The following SSH2 variants were observed in gnomAD, a reference collection of about 807,000 sequenced individuals.
The protein encoded by SSH2 is protein phosphatase Slingshot homolog 2.
In SSH2, 37 loss-of-function variants were observed where a neutral mutation model predicts 135.2. The observed-to-expected ratio is 0.27, with a 90% CI of 0.21 to 0.36. The LOEUF is 0.36. Ranked by LOEUF, SSH2 falls within the 10% of genes least tolerant of loss-of-function variation. SSH2 has a pLI of 1.00. For missense variants in SSH2, 1,408 were observed against 1,765.3 expected (o/e 0.80, Z 3.63); for synonymous variants, 628 against 646.2 (o/e 0.97, Z 0.43).
chr17:29,696,170 T>C (rs553259257), intron 4 of SSH2, among the ~76,000 whole-genome samples: 1,922 of 117,226 alleles, frequency 0.016, 45 homozygotes, highest in African/African-American at 0.055. Context: ...AGTATGTATA[T>C]ATATACACAC....
At chr17:29,716,762 G>T in intron 3 of SSH2, 1 of 461,458 alleles carries the variant, frequency 2.2e-6, no homozygotes, top group South Asian at 1.8e-5. Flanking sequence ...GTCTCTACTT[G>T]CTGTCCCCAT....
intron 4 of SSH2, among the ~76,000 whole-genome samples, chr17:29,701,404 CTTTT>C (rs55721735): frequency 1.1e-4 from 10 of 90,342 alleles, no homozygotes; most frequent in Middle Eastern, 7.9e-3. Flanking sequence ...GTGCCTGGCT[CTTTT>C]TTTTTTTTTT....
At chr17:29,792,893 C>G (rs2151303757) in intron 3 of SSH2, among the ~76,000 whole-genome samples, 1 of 152,240 alleles carries the variant, frequency 6.6e-6, no homozygotes, top group Non-Finnish European at 1.5e-5. Context: ...CCAGGATGGT[C>G]TTGATCTCCT....
intron 1 of SSH2, among the ~76,000 whole-genome samples, chr17:29,864,837 C>A (rs573542291): frequency 6.6e-6 from 1 of 152,276 alleles, no homozygotes; most frequent in East Asian, 1.9e-4. Context: ...AATCACCTGA[C>A]AACTTGCTAG....
chr17:29,734,065 C>T (rs1172096670), intron 3 of SSH2, among the ~76,000 whole-genome samples: 1 of 151,974 alleles, frequency 6.6e-6, no homozygotes, highest in Non-Finnish European at 1.5e-5. Context: ...ACTACAGGCG[C>T]CCGCCACCAT....
intron 1 of SSH2, among the ~76,000 whole-genome samples, chr17:29,851,246 T>C (rs923180985): frequency 6.6e-6 from 1 of 152,080 alleles, no homozygotes; most frequent in Non-Finnish European, 1.5e-5. Flanking sequence ...CTACAACAGA[T>C]AATAATATAG....
At chr17:29,657,100 G>C (rs2036813113) in intron 11 of SSH2, among the ~76,000 whole-genome samples, 1 of 152,122 alleles carries the variant, frequency 6.6e-6, no homozygotes. Flanking sequence ...CTGAGTAGCT[G>C]GGATTATAGG....
At chr17:29,771,939 A>C (rs1033114137) in intron 3 of SSH2, among the ~76,000 whole-genome samples, 5 of 152,198 alleles carry the variant, frequency 3.3e-5, no homozygotes, top group Non-Finnish European at 4.4e-5. Flanking sequence ...CTTTTCAACA[A>C]CCATGTCAAA....
At chr17:29,740,075 G>C (rs1598911788) in intron 3 of SSH2, among the ~76,000 whole-genome samples, 2 of 152,194 alleles carry the variant, frequency 1.3e-5, no homozygotes, top group African/African-American at 4.8e-5. Flanking sequence ...TGACCTCGCA[G>C]TATCTGTTTT....
intron 3 of SSH2, among the ~76,000 whole-genome samples, chr17:29,784,206 G>A (rs1366472742): frequency 1.3e-5 from 2 of 151,296 alleles, no homozygotes; most frequent in Non-Finnish European, 2.9e-5. Context: ...GGCCAACATG[G>A]TTAAACCCCA....
chr17:29,691,292 C>T (rs1180530434), intron 5 of SSH2, among the ~76,000 whole-genome samples: 1 of 152,188 alleles, frequency 6.6e-6, no homozygotes, highest in Non-Finnish European at 1.5e-5. Flanking sequence ...GAAATTACTT[C>T]AAATGTCCTG....
At chr17:29,870,376 T>C (rs2065919668) in intron 1 of SSH2, among the ~76,000 whole-genome samples, 1 of 151,954 alleles carries the variant, frequency 6.6e-6, no homozygotes, top group South Asian at 2.1e-4. Flanking sequence ...TGTCTATGCA[T>C]GCAAAGAGAC....
At chr17:29,799,563 T>C (rs750532015) in intron 2 of SSH2, among the ~76,000 whole-genome samples, 4 of 152,228 alleles carry the variant, frequency 2.6e-5, no homozygotes, top group Non-Finnish European at 5.9e-5. Flanking sequence ...GGGCTACTAC[T>C]AGTTTCATAG....
chr17:29,891,493 A>G (rs1420572238), intron 1 of SSH2, among the ~76,000 whole-genome samples: 1 of 152,176 alleles, frequency 6.6e-6, no homozygotes, highest in Non-Finnish European at 1.5e-5. Flanking sequence ...TATTGAAACG[A>G]AAGTACACTC....
intron 3 of SSH2, among the ~76,000 whole-genome samples, chr17:29,731,417 T>TTTTTTTTA (rs978147775): frequency 3.7e-4 from 44 of 119,750 alleles, no homozygotes; most frequent in African/African-American, 1.2e-3. Context: ...CAGAAGTATT[T>TTTTTTTTA]TTTATTTATT....
chr17:29,633,953 T>A (rs1212288145), intron 15 of SSH2, among the ~76,000 whole-genome samples: 1 of 152,208 alleles, frequency 6.6e-6, no homozygotes, highest in Non-Finnish European at 1.5e-5. Context: ...GGGGGAAATG[T>A]GCCATGACAT....
chr17:29,883,902 C>T (rs1599139519), intron 1 of SSH2, among the ~76,000 whole-genome samples: 1 of 152,194 alleles, frequency 6.6e-6, no homozygotes, highest in South Asian at 2.1e-4. Context: ...ATTCCTCCAT[C>T]TAGATATAAT....
At chr17:29,723,034 AC>A (rs2039874953) in intron 3 of SSH2, among the ~76,000 whole-genome samples, 1 of 152,132 alleles carries the variant, frequency 6.6e-6, no homozygotes. Context: ...AAATAAGGAG[AC>A]CTTAAGCTGC....
chr17:29,716,500 T>G (rs932334480), intron 3 of SSH2: 6 of 712,188 alleles, frequency 8.4e-6, no homozygotes, highest in South Asian at 1.4e-5. Flanking sequence ...CATTGTAGAC[T>G]CCTTCAGTTC....
Sources: allele counts gnomAD v4.1 joint callset (sites outside exome capture counted in the v4.1 genomes callset), GRCh38; gene constraint gnomAD v4.1.1; transcripts MANE v1.5; gene names NCBI Gene and HGNC (gene_info 2026-07-23, HGNC 2026-07-21).